Variants in HMCN1 observed in about 807,000 individuals in gnomAD.
HMCN1 encodes hemicentin 1, also known as hemicentin-1.
HMCN1 carries 321 observed loss-of-function variants against 625.9 expected under a neutral mutation model. That is an observed-to-expected ratio of 0.51 (90% CI 0.47 to 0.56). The LOEUF is 0.56. HMCN1 is among the 20% of genes least tolerant of loss of function. The probability of loss-of-function intolerance (pLI) is 0.00; values close to 1 mark genes in which losing one functional copy is unlikely to be tolerated. For synonymous variants in HMCN1, 2,425 were observed against 2,417.6 expected, an observed-to-expected ratio of 1.00 and a Z score of -0.09; for missense variants, 6,588 against 6,887.3, an observed-to-expected ratio of 0.96 and a Z score of 1.54.
intron 1 of HMCN1, among the ~76,000 whole-genome samples, chr1:185,832,120 A>AC (rs894314943): frequency 3.3e-5 from 5 of 151,586 alleles, no homozygotes; most frequent in Non-Finnish European, 7.4e-5. Flanking sequence ...ACATGGTGAA[A>AC]CCCCCTCTCT....
In HMCN1 at chr1:186,088,224, C is replaced by T. The variant is rs376427673; in HGVS notation, c.9525C>T (p.Ala3175=). 5.0e-6 allele frequency: 8 copies of T among 1,612,788 alleles called. No individual in the cohort carries two copies. The African/African-American group carries it at 6.7e-5, about 13-fold the overall frequency. The change falls in exon 62 of 107, where the codon GCC becomes GCT. Residue 3175 remains alanine, a synonymous_variant. Transcript: ENST00000271588. Reference sequence around the variant, plus strand: ...ATCCTGTGACATTAACATGTGATGCCACTGGGATCCCACCTCCCACGATAG... The same window carrying T: ...ATCCTGTGACATTAACATGTGATGCTACTGGGATCCCACCTCCCACGATAG... The part of the protein sequence containing the change: ...ISNPVTLTCD[A]TGIPPPTIAW...
rs1247267046 is a variant in HMCN1, at chr1:185,919,535, C to T, written c.901-2844C>T. ...TTCCTGCTCTTTCCTTGGCCACCAC[C>T]CCCTTGCCTCCCCAGTACATTTCTC... On this transcript the variant is annotated intron_variant, in intron 6 of 106. Transcript: ENST00000271588. 2.6e-5 allele frequency among the ~76,000 whole-genome samples: 4 copies of T among 152,160 alleles called. No homozygotes were observed. In the East Asian group the frequency reaches 5.8e-4, roughly 22 times the overall value.
In HMCN1 at chr1:186,145,478, A is replaced by G. The variant is rs1558257758; in HGVS notation, c.14342A>G (p.Tyr4781Cys). Reference sequence around the variant, plus strand: ...TGTAACGGAGGGCAGATGCGGCGGTACCGCACATGTGATAACCCTCCTCCC... The same window carrying G: ...TGTAACGGAGGGCAGATGCGGCGGTGCCGCACATGTGATAACCCTCCTCCC... ...RTCNGGQMRR[Y>C]RTCDNPPPSN... The change falls in exon 92 of 107, where the codon TAC (tyrosine) becomes TGC (cysteine). Residue 4781 changes from tyrosine (Y) to cysteine (C), a missense_variant. By Grantham distance (194) the Tyr-to-Cys change is radical. This residue lies in a region of HMCN1 where 1,954 missense variants were observed against 2,013.1 expected (regional missense o/e 0.97). Transcript: ENST00000271588. 2.5e-6 allele frequency: 4 copies of G among 1,613,532 alleles called. No homozygotes were observed. The highest frequency in any genetic ancestry group is 3.4e-6 in the Non-Finnish European group (4 of 1,179,708).
At chr1:185,767,468 A>T (rs913184544) in intron 1 of HMCN1, among the ~76,000 whole-genome samples, 15 of 152,220 alleles carry the variant, frequency 9.9e-5, no homozygotes, top group African/African-American at 3.4e-4. Context: ...CAAAGATAAG[A>T]CAATAGTGAC....
intron 15 of HMCN1, among the ~76,000 whole-genome samples, chr1:185,970,978 G>A (rs557458328): frequency 7.2e-5 from 11 of 152,036 alleles, no homozygotes; most frequent in South Asian, 4.2e-4. Context: ...GGTACCGTTC[G>A]CTGTGTCAAA....
intron 15 of HMCN1, among the ~76,000 whole-genome samples, chr1:185,975,923 G>A (rs144275666): frequency 5.1e-4 from 78 of 152,150 alleles, no homozygotes; most frequent in African/African-American, 1.8e-3. Flanking sequence ...CACACACTGT[G>A]TTATTACTGA....
intron 2 of HMCN1, among the ~76,000 whole-genome samples, 193 bp downstream of exon 2, chr1:185,846,289 T>C (rs1270342344): frequency 6.6e-6 from 1 of 152,120 alleles, no homozygotes; most frequent in African/African-American, 2.4e-5. Flanking sequence ...ACAGATGGGG[T>C]TTGAAATATC....
At chr1:185,958,976 A>G (rs569039004) in intron 11 of HMCN1, among the ~76,000 whole-genome samples, 69 of 152,214 alleles carry the variant, frequency 4.5e-4, no homozygotes, top group Non-Finnish European at 7.9e-4. Flanking sequence ...TTTACATAAT[A>G]TACTTTATAG....
chr1:186,038,834 A>G lies in HMCN1; in HGVS notation c.5857A>G (p.Thr1953Ala), dbSNP rs758040640. ...KAAGNPVPVI[T>A]WYKDNRLLSG... is the part of the protein sequence containing the mutation. The stretch of plus-strand genomic sequence containing the variant: ...TTCTCCCCTTCTTCTTTCAGTTATT[A>G]CATGGTACAAAGATAATCGTCTACT... Residue 1953 changes from threonine (T) to alanine (A), a missense_variant, in exon 38 of 107, where the codon ACA becomes GCA. Around this residue, in one of 3 missense-constraint regions of HMCN1, gnomAD observed 4,628 missense variants for 4,853.1 expected, o/e 0.95. Coordinates refer to ENST00000271588, the MANE Select transcript of HMCN1 (RefSeq NM_031935.3). 6 of 1,594,974 alleles carry G rather than the reference A, an allele frequency of 3.8e-6. No homozygotes were observed. The South Asian group carries it at 6.6e-5, about 18-fold the overall frequency.
At position 186,017,053 on chromosome 1, in the gene HMCN1, C is replaced by G. The variant is rs1191817622; in HGVS notation, c.5282C>G (p.Ser1761Cys). 7 of 1,595,602 alleles carry G rather than the reference C, an allele frequency of 4.4e-6. No individual in the cohort carries two copies. The highest frequency in any genetic ancestry group is 1.7e-4 in the Middle Eastern group (1 of 6,042). ...GAGCTAGATTGTCATGTGACAGGCT[C>G]TCCCCCACCAACTATCATGTAAGGG... The part of the protein sequence containing the change: ...LLELDCHVTG[S>C]PPPTIMWLKD... The change falls in exon 33 of 107, where the codon TCT becomes TGT. Residue 1761 changes from serine to cysteine, a missense_variant. Coordinates refer to ENST00000271588, the MANE Select transcript of HMCN1 (RefSeq NM_031935.3).
intron 1 of HMCN1, among the ~76,000 whole-genome samples, chr1:185,748,515 G>T (rs1654583013): frequency 6.6e-6 from 1 of 152,046 alleles, no homozygotes; most frequent in African/African-American, 2.4e-5. Context: ...GTATGTTATG[G>T]ACTTAATTTG....
intron 4 of HMCN1, among the ~76,000 whole-genome samples, chr1:185,904,295 A>G (rs751892435): frequency 3.2e-4 from 48 of 151,868 alleles, no homozygotes; most frequent in Non-Finnish European, 6.2e-4. Context: ...TCTCTTAGCC[A>G]GGTTGGAGGT....
chr1:186,068,441 T>C (rs917097548), intron 50 of HMCN1, among the ~76,000 whole-genome samples: 1 of 152,128 alleles, frequency 6.6e-6, no homozygotes, highest in African/African-American at 2.4e-5. Context: ...ATTTCTGGCT[T>C]TAAGAGACTG....
rs1416139358 is a variant in HMCN1 at position 185,966,928 on chromosome 1, G to C, written c.2212+1013G>C. ...AACTAGGAAGTAATGCCATTTTCCTGGTTGTCCATACTGAAAGATTTTTAG... is the reference window on the plus strand; with the variant it reads ...AACTAGGAAGTAATGCCATTTTCCTCGTTGTCCATACTGAAAGATTTTTAG... On this transcript the variant is annotated intron_variant, in intron 14 of 106. Coordinates refer to ENST00000271588, the MANE Select transcript of HMCN1 (RefSeq NM_031935.3). 3.3e-5 allele frequency among the ~76,000 whole-genome samples: 5 copies of C among 152,022 alleles called. No individual in the cohort carries two copies. In the East Asian group the frequency reaches 9.6e-4, roughly 29 times the overall value.
At chr1:185,880,922 G>A (rs748350151) in intron 4 of HMCN1, among the ~76,000 whole-genome samples, 23 of 152,198 alleles carry the variant, frequency 1.5e-4, no homozygotes, top group Non-Finnish European at 2.4e-4. Context: ...TCCACCCCTC[G>A]AGGGAGGGAG....
chr1:185,769,170 A>T (rs562229621), intron 1 of HMCN1, among the ~76,000 whole-genome samples: 1 of 152,246 alleles, frequency 6.6e-6, no homozygotes, highest in South Asian at 2.1e-4. Flanking sequence ...ATAATAGGCC[A>T]GGTGCAGTGG....
chr1:185,866,218 A>C (rs1044985562), intron 4 of HMCN1, among the ~76,000 whole-genome samples: 1 of 152,024 alleles, frequency 6.6e-6, no homozygotes, highest in Non-Finnish European at 1.5e-5. Context: ...ACTGAAGTAG[A>C]ATGCGAAAAA....
intron 4 of HMCN1, among the ~76,000 whole-genome samples, chr1:185,905,928 A>G (rs1164946644): frequency 1.3e-5 from 2 of 151,850 alleles, no homozygotes; most frequent in Non-Finnish European, 2.9e-5. Context: ...ACTGTTACAA[A>G]TTGTCAGAGA....
In HMCN1 at chr1:186,136,816, C is replaced by T. The variant is rs368506851; in HGVS notation, c.13461C>T (p.Asn4487=). The T allele has an allele frequency of 2.2e-5, 36 of 1,614,018 alleles. No homozygotes were observed. Among genetic ancestry groups the T allele is most frequent in the South Asian group, 7.7e-5 (7 of 91,074 alleles). The part of the protein sequence containing the change: ...GHSISWDDRV[N]VLSNNSLYIA... ...CTATTTCCTGGGATGACCGGGTTAA[C>T]GTGTTGTCCAACAACTCATTATATA... Residue 4487 remains asparagine, a synonymous_variant, in exon 87 of 107, where the codon AAC becomes AAT. Coordinates refer to ENST00000271588, the MANE Select transcript of HMCN1 (RefSeq NM_031935.3).
Sources: allele counts gnomAD v4.1 joint callset (sites outside exome capture counted in the v4.1 genomes callset), GRCh38; gene constraint gnomAD v4.1.1; regional missense constraint gnomAD v4.1.1; transcripts MANE v1.5; gene names NCBI Gene and HGNC (gene_info 2026-07-23, HGNC 2026-07-21).